The following KIAA1549L variants were observed in gnomAD, a reference collection of about 807,000 sequenced individuals.
KIAA1549L encodes KIAA1549 like, also known as UPF0606 protein KIAA1549L.
KIAA1549L carries 88 observed loss-of-function variants against 160.7 expected under a neutral mutation model. The observed-to-expected ratio is 0.55, with a 90% CI of 0.46 to 0.65. The LOEUF (loss-of-function observed/expected upper bound fraction) is 0.65, where lower values mean the gene tolerates loss of function less well. KIAA1549L is among the 30% of genes least tolerant of loss of function. The pLI, the probability that KIAA1549L is intolerant of heterozygous loss-of-function variation, is 0.00. For missense variants in KIAA1549L, 2,258 were observed against 2,437.5 expected, an observed-to-expected ratio of 0.93 and a Z score of 1.55; for synonymous variants, 950 against 976.7, an observed-to-expected ratio of 0.97 and a Z score of 0.51.
At chr11:33,651,183 G>T (rs190375555) in intron 17 of KIAA1549L, among the ~76,000 whole-genome samples, 1 of 152,106 alleles carries the variant, frequency 6.6e-6, no homozygotes, top group Non-Finnish European at 1.5e-5. Flanking sequence ...AGTAGCTTTC[G>T]CTTATGAAAC....
At chr11:33,556,547 A>G (rs909489108) in intron 6 of KIAA1549L, among the ~76,000 whole-genome samples, 15 of 152,366 alleles carry the variant, frequency 9.8e-5, no homozygotes, top group African/African-American at 3.6e-4. Flanking sequence ...GATGCATGCT[A>G]CAACAGGGAT....
intron 1 of KIAA1549L, among the ~76,000 whole-genome samples, chr11:33,446,084 C>G (rs1851605009): frequency 6.7e-6 from 1 of 148,732 alleles, no homozygotes; most frequent in Admixed American, 6.7e-5. Context: ...ACATGGAGGG[C>G]AAAAGTCCTG....
At chr11:33,631,014 G>A (rs1365267415) in intron 16 of KIAA1549L, among the ~76,000 whole-genome samples, 2 of 152,222 alleles carry the variant, frequency 1.3e-5, no homozygotes, top group East Asian at 3.8e-4. Context: ...AACGTACTGT[G>A]GCAATGAACT....
chr11:33,492,459 C>T lies in KIAA1549L; in HGVS notation c.239-49343C>T, dbSNP rs529291821. On this transcript the variant is annotated intron_variant, in intron 1 of 20. Transcript: ENST00000658780. ...ACTAGGAACCCCTGGAGTGAAGGGA[C>T]GTGAAGACTAGGGTGTGCGTGGGAT... 8.5e-5 allele frequency among the ~76,000 whole-genome samples: 13 copies of T among 152,230 alleles called. No homozygotes were observed. The South Asian group carries it at 1.0e-3, about 12-fold the overall frequency.
At chr11:33,521,344 CACTT>C (rs1853488237) in intron 1 of KIAA1549L, among the ~76,000 whole-genome samples, 1 of 152,208 alleles carries the variant, frequency 6.6e-6, no homozygotes, top group Admixed American at 6.5e-5. Flanking sequence ...ACAGCTCCAC[CACTT>C]ACTTACCGAC....
intron 1 of KIAA1549L, among the ~76,000 whole-genome samples, chr11:33,526,614 G>A (rs1853618278): frequency 6.6e-6 from 1 of 152,200 alleles, no homozygotes; most frequent in African/African-American, 2.4e-5. Context: ...TCCATCCCTA[G>A]GGGAATGGGG....
chr11:33,479,299 C>T (rs541823488), intron 1 of KIAA1549L, among the ~76,000 whole-genome samples: 1 of 152,316 alleles, frequency 6.6e-6, no homozygotes, highest in Admixed American at 6.5e-5. Flanking sequence ...CTCATGCCAC[C>T]TGGGAGCTGC....
At chr11:33,435,798 ATATATATATATATGTGTG>A (rs1350515192) in intron 1 of KIAA1549L, among the ~76,000 whole-genome samples, 114 of 7,596 alleles carry the variant, frequency 0.015, 28 homozygotes, top group African/African-American at 0.072. Context: ...ATATATATAT[ATATATATATATATGTGTG>A]TGTATATATA....
chr11:33,460,802 G>A (rs1273674637), intron 1 of KIAA1549L, among the ~76,000 whole-genome samples: 1 of 152,156 alleles, frequency 6.6e-6, no homozygotes, highest in South Asian at 2.1e-4. Flanking sequence ...AAAGACTAGT[G>A]CAGGCAGAGA....
At chr11:33,528,615 C>T (rs1044679815) in intron 1 of KIAA1549L, among the ~76,000 whole-genome samples, 9 of 152,154 alleles carry the variant, frequency 5.9e-5, no homozygotes, top group African/African-American at 2.2e-4. Flanking sequence ...GAAAAAGATA[C>T]ATATAGATAT....
At position 33,543,573 on chromosome 11, in the gene KIAA1549L, A is replaced by G. The variant is rs149117801; in HGVS notation, c.2010A>G (p.Arg670=). ...GLPASASKQV[R]ASPSSMDVYD... is the part of the protein sequence containing the mutation. The stretch of plus-strand genomic sequence containing the variant: ...CAGCTTCAGCTTCCAAACAGGTGAG[A>G]GCATCGCCCTCCTCCATGGATGTAT... The change falls in exon 2 of 21, where the codon AGA becomes AGG. Residue 670 remains arginine, a synonymous_variant. Transcript: ENST00000658780. 1.2e-6 allele frequency: 2 copies of G among 1,614,018 alleles called. No homozygotes were observed. The highest frequency in any genetic ancestry group is 1.7e-6 in the Non-Finnish European group (2 of 1,179,890).
intron 1 of KIAA1549L, among the ~76,000 whole-genome samples, chr11:33,445,949 T>A (rs541736211): frequency 6.6e-6 from 1 of 152,342 alleles, no homozygotes; most frequent in South Asian, 2.1e-4. Context: ...CTTCCTGGCC[T>A]GTGGAACTGT....
At chr11:33,446,708 A>G (rs900560440) in intron 1 of KIAA1549L, among the ~76,000 whole-genome samples, 6 of 152,166 alleles carry the variant, frequency 3.9e-5, no homozygotes, top group African/African-American at 9.7e-5. Flanking sequence ...ATACATGTCT[A>G]AGATGGCTCA....
At chr11:33,621,516 A>C (rs1056126276) in intron 16 of KIAA1549L, among the ~76,000 whole-genome samples, 2 of 152,242 alleles carry the variant, frequency 1.3e-5, no homozygotes, top group Non-Finnish European at 2.9e-5. Context: ...TTGGCATTGA[A>C]CTTAATTCAT....
intron 1 of KIAA1549L, among the ~76,000 whole-genome samples, chr11:33,538,436 A>G (rs938023906): frequency 6.6e-6 from 1 of 152,144 alleles, no homozygotes; most frequent in Non-Finnish European, 1.5e-5. Flanking sequence ...ATAATGTAAA[A>G]CACCTCCAAA....
chr11:33,569,309 T>G (rs1312127606), intron 9 of KIAA1549L, among the ~76,000 whole-genome samples: 1 of 152,244 alleles, frequency 6.6e-6, no homozygotes, highest in Non-Finnish European at 1.5e-5. Flanking sequence ...GTCTAACATT[T>G]GTTGTGCTAA....
chr11:33,615,809 T>C (rs947229421), intron 15 of KIAA1549L, among the ~76,000 whole-genome samples: 1 of 152,242 alleles, frequency 6.6e-6, no homozygotes, highest in Non-Finnish European at 1.5e-5. Flanking sequence ...ACCACCCTTA[T>C]TAGTAAATCT....
intron 16 of KIAA1549L, among the ~76,000 whole-genome samples, chr11:33,623,235 A>G (rs1851007765): frequency 6.6e-6 from 1 of 152,192 alleles, no homozygotes; most frequent in Non-Finnish European, 1.5e-5. Context: ...AATTAAGGGT[A>G]CAACCAGCTT....
intron 1 of KIAA1549L, among the ~76,000 whole-genome samples, chr11:33,418,796 A>C (rs1043719225): frequency 3.3e-5 from 5 of 152,150 alleles, no homozygotes; most frequent in African/African-American, 1.2e-4. Context: ...TTGCTGGGCT[A>C]AAGCATTGAA....
Sources: gnomAD v4.1 joint callset for allele counts (sites outside exome capture counted in the v4.1 genomes callset) on GRCh38, gnomAD v4.1.1 for gene constraint, MANE v1.5 for transcripts, NCBI Gene and HGNC (gene_info 2026-07-23, HGNC 2026-07-21) for gene names.